The following FH variants were observed in gnomAD, a reference collection of about 807,000 sequenced individuals.
FH encodes the protein fumarate hydratase.
In FH, 22 loss-of-function variants were observed where a neutral mutation model predicts 49.4. The observed-to-expected ratio is 0.45, with a 90% CI of 0.32 to 0.64. The LOEUF is 0.64. FH is among the 30% of genes least tolerant of loss of function. The pLI, the probability that FH is intolerant of heterozygous loss-of-function variation, is 0.05. For missense variants in FH, 526 were observed against 641.5 expected, an observed-to-expected ratio of 0.82 and a Z score of 1.95; for synonymous variants, 208 against 223.0, an observed-to-expected ratio of 0.93 and a Z score of 0.60.
Position 241,500,439 on chromosome 1 carries a change from A to G in FH, c.1388T>C (p.Ile463Thr), listed in dbSNP as rs764801019. The G allele has an allele frequency of 1.9e-6, 3 of 1,613,586 alleles. No homozygotes were observed. The South Asian group carries it at 3.3e-5, about 18-fold the overall frequency. Residue 463 changes from isoleucine to threonine, a missense_variant and splice_region_variant, in exon 9 of 10, where the codon ATA (isoleucine) becomes ACA (threonine). This residue lies in a region of FH where 383 missense variants were observed against 514.0 expected (regional missense o/e 0.75). Transcript: ENST00000366560. ...ATTATTATTCCTTAAACACTTACCTATATGAGGATTGAGAGCTGTCACCAA... is the reference window on the plus strand; with the variant it reads ...ATTATTATTCCTTAAACACTTACCTGTATGAGGATTGAGAGCTGTCACCAA... ...LMLVTALNPHIGYDKAAKIAK... is the reference protein window; with the variant it reads ...LMLVTALNPHTGYDKAAKIAK...
intron 1 of FH, chr1:241,519,273 G>T (rs1573889607): frequency 3.3e-6 from 1 of 302,922 alleles, no homozygotes; most frequent in African/African-American, 2.3e-5. Flanking sequence ...CAGCAGCAGC[G>T]AAGTTACCTC....
chr1:241,507,376 T>G (rs1659957501), intron 5 of FH, among the ~76,000 whole-genome samples: 1 of 151,994 alleles, frequency 6.6e-6, no homozygotes, highest in African/African-American at 2.4e-5. Context: ...TGCCTAAGGA[T>G]GCATTTTTCA....
chr1:241,512,204 CAG>C, intron 3 of FH, 61 bp from the exon 4 acceptor site: 1 of 1,477,172 alleles, frequency 6.8e-7, no homozygotes. Flanking sequence ...GATTATGCCA[CAG>C]AGTTTGAATA....
In FH at chr1:241,504,159, T is replaced by C. The variant is rs1459131048; in HGVS notation, c.991A>G (p.Thr331Ala). 2 of 1,614,152 alleles carry C rather than the reference T, an allele frequency of 1.2e-6. No individual in the cohort carries two copies. Among genetic ancestry groups the C allele is most frequent in the Admixed American group, 1.7e-5 (1 of 60,020 alleles). The part of the protein sequence containing the change: ...LVELSGAMNT[T>A]ACSLMKIAND... ...GCTATCTTCATCAGACTGCAGGCAG[T>C]AGTGTTCATGGCTCCACTGAGCTCA... Residue 331 changes from threonine to alanine, a missense_variant, in exon 7 of 10, where the codon ACT (threonine) becomes GCT (alanine). Around this residue, in one of 2 missense-constraint regions of FH, gnomAD observed 383 missense variants for 514.0 expected, o/e 0.75. Transcript: ENST00000366560.
intron 9 of FH, among the ~76,000 whole-genome samples, chr1:241,498,860 G>A (rs999599107): frequency 4.0e-5 from 6 of 150,072 alleles, no homozygotes; most frequent in Non-Finnish European, 7.4e-5. Context: ...TCAATAAGAT[G>A]GCATGTGTCA....
At position 241,506,060 on chromosome 1, in the gene FH, A is replaced by C; in HGVS notation, c.847T>G (p.Leu283Val). 6.2e-7 allele frequency: 1 copy of C among 1,614,050 alleles called. No individual in the cohort carries two copies. Among genetic ancestry groups the C allele is most frequent in the Non-Finnish European group, 8.5e-7 (1 of 1,179,960 alleles). ...TCTGCAAAGCCAATTCTAGTATTTA[A>C]ACCTGTACCAACAGCAGTGCCTCCA... ...AAGGTAVGTG[L>V]NTRIGFAEKV... The change falls in exon 6 of 10, where the codon TTA (leucine) becomes GTA (valine). Residue 283 changes from leucine to valine, a missense_variant. By Grantham distance (32) the Leu-to-Val change is conservative. This residue lies in a region of FH where 383 missense variants were observed against 514.0 expected (regional missense o/e 0.75). Transcript: ENST00000366560.
intron 9 of FH, among the ~76,000 whole-genome samples, chr1:241,499,005 T>A (rs1659699128): frequency 6.6e-6 from 1 of 151,974 alleles, no homozygotes; most frequent in African/African-American, 2.4e-5. Context: ...TGCCATTTAC[T>A]GAAAAGGGCA....
chr1:241,508,529 T>A (rs1659986401), intron 5 of FH, 74 bp downstream of exon 5: 1 of 1,364,424 alleles, frequency 7.3e-7, no homozygotes, highest in African/African-American at 1.4e-5. Context: ...TTTAAGCTAG[T>A]CAGATTTCAA....
chr1:241,498,937 T>C (rs965378872), intron 9 of FH, among the ~76,000 whole-genome samples: 5 of 151,414 alleles, frequency 3.3e-5, no homozygotes, highest in Non-Finnish European at 7.4e-5. Flanking sequence ...TTAACTGAAT[T>C]TGTGAATGCT....
rs148214619 is a variant in FH, at chr1:241,512,990, C to T, written c.378+613G>A. 1.5e-4 allele frequency among the ~76,000 whole-genome samples: 23 copies of T among 151,796 alleles called. No homozygotes were observed. In the East Asian group the frequency reaches 3.9e-3, roughly 26 times the overall value. On this transcript the variant is annotated intron_variant, in intron 3 of 9. Transcript: ENST00000366560. ...ATTTTTTCCTAAACAAAATTAGGAT[C>T]GTAAAATACATATATTTTTGCAAAC...
intron 1 of FH, among the ~76,000 whole-genome samples, chr1:241,518,404 G>A (rs1660276117): frequency 6.6e-6 from 1 of 152,170 alleles, no homozygotes; most frequent in Non-Finnish European, 1.5e-5. Flanking sequence ...TTAAAAATAT[G>A]TAAAGGTTTT....
chr1:241,509,155 G>T (rs1660012310), intron 4 of FH, among the ~76,000 whole-genome samples: 1 of 150,990 alleles, frequency 6.6e-6, no homozygotes, highest in African/African-American at 2.4e-5. Context: ...GTTAACAACT[G>T]CACTTGAAGA....
At chr1:241,498,713 A>ATATATATATG in intron 9 of FH, among the ~76,000 whole-genome samples, 1 of 78,566 alleles carries the variant, frequency 1.3e-5, no homozygotes, top group South Asian at 5.1e-4. Flanking sequence ...ATATATATAT[A>ATATATATATG]TATATATATA....
intron 9 of FH, 109 bp downstream of exon 9, chr1:241,500,328 A>G: frequency 9.4e-7 from 1 of 1,069,092 alleles, no homozygotes; most frequent in Non-Finnish European, 1.4e-6. Context: ...CTAAAACCAT[A>G]TTCAAAAGAA....
intron 6 of FH, among the ~76,000 whole-genome samples, chr1:241,505,209 C>A (rs1404986507): frequency 3.3e-5 from 5 of 152,022 alleles, no homozygotes; most frequent in Admixed American, 6.6e-5. Context: ...CCATGTCCGG[C>A]CCCTAATACA....
chr1:241,500,608 A>AGAGAGAGAGAGAGG lies in FH; in HGVS notation c.1237-19_1237-18insCCTCTCTCTCTCTC. On this transcript the variant is annotated intron_variant, in intron 8 of 9. Transcript: ENST00000366560. ...TTTTTAATCTTTGAGTGAGTGAGAGAGAGAGAGAGAGAGAGAGAGAGAGAG... is the reference window on the plus strand; with the variant it reads ...TTTTTAATCTTTGAGTGAGTGAGAGAGAGAGAGAGAGAGGGAGAGAGAGAGAGAGAGAGAGAGAG... 6.4e-7 allele frequency: 1 copy of AGAGAGAGAGAGAGG among 1,552,410 alleles called. No homozygotes were observed.
chr1:241,516,882 A>G (rs1660229806), intron 2 of FH, among the ~76,000 whole-genome samples: 3 of 151,596 alleles, frequency 2.0e-5, no homozygotes, highest in Admixed American at 2.0e-4. Flanking sequence ...CGATCTCTTG[A>G]CCTCGTGATC....
chr1:241,505,886 G>A, intron 6 of FH, 117 bp downstream of exon 6: 1 of 1,007,010 alleles, frequency 9.9e-7, no homozygotes, highest in Non-Finnish European at 1.5e-6. Flanking sequence ...ATGTTTGATG[G>A]AAAAATATCA....
intron 5 of FH, 106 bp downstream of exon 5, chr1:241,508,497 T>C (rs1194220672): frequency 1.1e-6 from 1 of 894,208 alleles, no homozygotes; most frequent in East Asian, 2.5e-5. Flanking sequence ...GTCACTGAAG[T>C]TTCCGGTTAC....
Sources: gnomAD v4.1 joint callset for allele counts (sites outside exome capture counted in the v4.1 genomes callset) on GRCh38, gnomAD v4.1.1 for gene constraint, gnomAD v4.1.1 regional missense constraint, MANE v1.5 for transcripts, NCBI Gene and HGNC (gene_info 2026-07-23, HGNC 2026-07-21) for gene names.